The following EHBP1 variants were observed in gnomAD, a reference collection of about 807,000 sequenced individuals.
The protein encoded by EHBP1 is EH domain-binding protein 1.
EHBP1 carries 55 observed loss-of-function variants against 144.0 expected under a neutral mutation model. That is an observed-to-expected ratio of 0.38 (90% CI 0.31 to 0.48). The LOEUF (loss-of-function observed/expected upper bound fraction) is 0.48. Among genes scored for constraint, EHBP1 ranks in the 20% least tolerant of loss-of-function variants. The pLI is 0.98. For missense variants in EHBP1, 1,200 were observed against 1,364.2 expected, an observed-to-expected ratio of 0.88 and a Z score of 1.90; for synonymous variants, 469 against 472.7, an observed-to-expected ratio of 0.99 and a Z score of 0.10.
At chr2:62,743,528 A>G (rs2038902895) in intron 2 of EHBP1, among the ~76,000 whole-genome samples, 1 of 152,100 alleles carries the variant, frequency 6.6e-6, no homozygotes, top group South Asian at 2.1e-4. Context: ...GGTGTCAGGA[A>G]CATAGTAGGC....
intron 3 of EHBP1, among the ~76,000 whole-genome samples, chr2:62,759,565 C>T (rs577485082): frequency 2.6e-5 from 4 of 152,030 alleles, no homozygotes; most frequent in Non-Finnish European, 5.9e-5. Context: ...ACCACTATGC[C>T]GGCTAATTTT....
chr2:62,692,169 A>T (rs1156454429), intron 1 of EHBP1, among the ~76,000 whole-genome samples: 1 of 152,192 alleles, frequency 6.6e-6, no homozygotes, highest in African/African-American at 2.4e-5. Context: ...CACTTAACAT[A>T]GTTTTCAAGG....
At chr2:63,030,308 C>G (rs541741315) in intron 19 of EHBP1, among the ~76,000 whole-genome samples, 1 of 152,042 alleles carries the variant, frequency 6.6e-6, no homozygotes, top group South Asian at 2.1e-4. Flanking sequence ...TAAAGATGAA[C>G]CCCATTCTCC....
At chr2:63,042,834 G>A (rs938234505) in intron 21 of EHBP1, among the ~76,000 whole-genome samples, 1 of 151,826 alleles carries the variant, frequency 6.6e-6, no homozygotes, top group Non-Finnish European at 1.5e-5. Flanking sequence ...AAAATTATAT[G>A]TGTTGTTAAA....
At chr2:62,851,017 G>A (rs971744789) in intron 7 of EHBP1, among the ~76,000 whole-genome samples, 1 of 152,114 alleles carries the variant, frequency 6.6e-6, no homozygotes, top group African/African-American at 2.4e-5. Context: ...CGCAAACATA[G>A]CACTTATCTT....
At chr2:62,700,156 T>C (rs1019612950) in intron 1 of EHBP1, among the ~76,000 whole-genome samples, 9 of 152,086 alleles carry the variant, frequency 5.9e-5, no homozygotes, top group African/African-American at 2.2e-4. Flanking sequence ...ACTTGGGTCC[T>C]ATAATGATAG....
chr2:62,977,277 G>A (rs1027984067), intron 14 of EHBP1, among the ~76,000 whole-genome samples: 5 of 151,762 alleles, frequency 3.3e-5, no homozygotes, highest in African/African-American at 1.2e-4. Flanking sequence ...GGCCTTTAAA[G>A]TATCTCCTCA....
Position 62,874,331 on chromosome 2 carries a change from TC to T in EHBP1, c.999-14del. 6.5e-7 allele frequency: 1 copy of T among 1,527,632 alleles called. No individual in the cohort carries two copies. Among genetic ancestry groups the T allele is most frequent in the Non-Finnish European group, 8.9e-7 (1 of 1,129,252 alleles). 94.6% of individuals were successfully genotyped at this position (1,527,632 alleles called of 1,614,324 possible). A position where few individuals can be genotyped will look rare whatever the true frequency, so the allele number is the denominator to read the frequency against. On this transcript the variant is annotated splice_polypyrimidine_tract_variant and intron_variant, in intron 9 of 22. Transcript: ENST00000431489. ...TTTTTGAGAGACATCTAACAATAAT[TC>T]TTCTTTCACTTAGATCAAATCCTTT...
chr2:62,747,668 T>G (rs1321329659), intron 3 of EHBP1, among the ~76,000 whole-genome samples: 1 of 151,998 alleles, frequency 6.6e-6, no homozygotes, highest in Non-Finnish European at 1.5e-5. Flanking sequence ...ATTTGGTAAT[T>G]ACTATGGTTT....
At chr2:62,765,276 C>T (rs1256120370) in intron 4 of EHBP1, among the ~76,000 whole-genome samples, 3 of 151,954 alleles carry the variant, frequency 2.0e-5, no homozygotes, top group African/African-American at 7.3e-5. Flanking sequence ...TAAGATGTGC[C>T]TCTTGGTCTC....
intron 5 of EHBP1, among the ~76,000 whole-genome samples, chr2:62,813,086 G>C (rs2045151973): frequency 6.6e-6 from 1 of 152,194 alleles, no homozygotes; most frequent in African/African-American, 2.4e-5. Flanking sequence ...AGCTCTAGGA[G>C]GGCAGAATGA....
intron 4 of EHBP1, among the ~76,000 whole-genome samples, chr2:62,767,447 C>T (rs955653982): frequency 2.0e-5 from 3 of 151,968 alleles, no homozygotes; most frequent in Middle Eastern, 3.4e-3. Context: ...TCTGTAATCC[C>T]GACACTTTGG....
chr2:62,827,584 C>T (rs1198130641), intron 6 of EHBP1, among the ~76,000 whole-genome samples: 2 of 152,266 alleles, frequency 1.3e-5, no homozygotes, highest in Admixed American at 6.5e-5. Context: ...CTACCTCCTC[C>T]TTCTTTGCCT....
At chr2:62,926,986 C>T (rs755617670) in intron 10 of EHBP1, among the ~76,000 whole-genome samples, 10 of 151,952 alleles carry the variant, frequency 6.6e-5, no homozygotes, top group South Asian at 4.1e-4. Flanking sequence ...GGTGTATATA[C>T]GTCATGGAAT....
chr2:62,727,520 T>C (rs2036947725), intron 2 of EHBP1, among the ~76,000 whole-genome samples: 1 of 152,318 alleles, frequency 6.6e-6, no homozygotes, highest in Non-Finnish European at 1.5e-5. Context: ...ACTAATCTAA[T>C]TTCTGTTCTC....
intron 1 of EHBP1, among the ~76,000 whole-genome samples, chr2:62,698,622 T>G (rs941232082): frequency 5.3e-5 from 8 of 152,196 alleles, no homozygotes; most frequent in Admixed American, 6.5e-5. Context: ...CATCCAAAAG[T>G]TGTGACAGAA....
At chr2:62,784,884 T>C (rs1361846938) in intron 5 of EHBP1, among the ~76,000 whole-genome samples, 1 of 152,188 alleles carries the variant, frequency 6.6e-6, no homozygotes. Context: ...ACTTCTGGAC[T>C]ATGAAAACAT....
intron 3 of EHBP1, among the ~76,000 whole-genome samples, chr2:62,753,161 A>C (rs2039920480): frequency 6.6e-6 from 1 of 152,144 alleles, no homozygotes; most frequent in Non-Finnish European, 1.5e-5. Context: ...TTGTATGTTT[A>C]GTGCTTCCTT....
chr2:62,970,127 A>T (rs892069477), intron 14 of EHBP1, among the ~76,000 whole-genome samples: 1 of 151,646 alleles, frequency 6.6e-6, no homozygotes, highest in Non-Finnish European at 1.5e-5. Flanking sequence ...TGAATGCCTA[A>T]TAACAGAGTC....
Sources: allele counts gnomAD v4.1 joint callset (sites outside exome capture counted in the v4.1 genomes callset), GRCh38; gene constraint gnomAD v4.1.1; transcripts MANE v1.5; gene names NCBI Gene and HGNC (gene_info 2026-07-23, HGNC 2026-07-21).